The following BDNF variants were observed in gnomAD, a reference collection of about 807,000 sequenced individuals.
The protein encoded by BDNF is brain derived neurotrophic factor.
In BDNF, 1 loss-of-function variant was observed where a neutral mutation model predicts 19.5. The observed-to-expected ratio is 0.05, with a 90% confidence interval of 0.02 to 0.24. BDNF has a LOEUF of 0.24. Ranked by LOEUF, BDNF falls within the 10% of genes least tolerant of loss-of-function variation. The pLI, the probability that BDNF is intolerant of heterozygous loss-of-function variation, is 1.00. For synonymous variants in BDNF, 100 were observed against 121.6 expected, an observed-to-expected ratio of 0.82 and a Z score of 1.17; for missense variants, 195 against 317.6, an observed-to-expected ratio of 0.61 and a Z score of 2.93.
intron 1 of BDNF, chr11:27,674,293 C>G (rs1317122855): frequency 1.9e-6 from 3 of 1,554,780 alleles, no homozygotes; most frequent in Non-Finnish European, 2.6e-6. Context: ...ATCCAGTTGT[C>G]CTTCGGGTTA....
intron 1 of BDNF, among the ~76,000 whole-genome samples, chr11:27,670,195 T>C (rs970889341): frequency 6.6e-6 from 1 of 152,224 alleles, no homozygotes; most frequent in Non-Finnish European, 1.5e-5. Flanking sequence ...CTGGGAAAAC[T>C]GGCTAGCCAT....
At chr11:27,659,629 CTGTGTGTG>C (rs55917552) in intron 1 of BDNF, 29 of 982,710 alleles carry the variant, frequency 3.0e-5, no homozygotes, top group Middle Eastern at 5.3e-4. Flanking sequence ...GATGTTCTCT[CTGTGTGTG>C]TGTGTGTGTG....
intron 1 of BDNF, among the ~76,000 whole-genome samples, chr11:27,667,418 T>C (rs1029913292): frequency 8.5e-5 from 13 of 152,162 alleles, no homozygotes; most frequent in African/African-American, 2.4e-4. Flanking sequence ...CACATAACAA[T>C]ATTAACCTTA....
At chr11:27,686,112 G>C (rs1857445260) in intron 1 of BDNF, among the ~76,000 whole-genome samples, 2 of 152,132 alleles carry the variant, frequency 1.3e-5, no homozygotes, top group Admixed American at 6.5e-5. Flanking sequence ...AGGATAGTTA[G>C]CTCTTCTTGT....
At position 27,658,301 on chromosome 11, in the gene BDNF, G is replaced by A. The variant is rs775282010; in HGVS notation, c.264C>T (p.Asp88=). Residue 88 remains aspartate (D), a synonymous_variant, in exon 2 of 2, where the codon GAC becomes GAT. Coordinates refer to ENST00000356660, the MANE Select transcript of BDNF (RefSeq NM_001709.5). This position sits in a 1 kb window ranked among gnomAD's most constrained non-coding sequence, Gnocchi z 5.7. ...TGAGCATCACCCTGGACGTGTACAA[G>A]TCTGCGTCCTTATTGTTTTCTTCAT... ...RPNEENNKDA[D]LYTSRVMLSS... 6.8e-6 allele frequency: 11 copies of A among 1,614,170 alleles called. No homozygotes were observed. The highest frequency in any genetic ancestry group is 9.3e-6 in the Non-Finnish European group (11 of 1,180,044).
intron 1 of BDNF, chr11:27,720,498 G>C (rs983399358): frequency 7.1e-6 from 7 of 985,736 alleles, no homozygotes; most frequent in African/African-American, 1.7e-5. Flanking sequence ...TCAATGAGGG[G>C]ACCAAACTGG....
chr11:27,711,196 A>G (rs1860313072), intron 1 of BDNF, among the ~76,000 whole-genome samples: 1 of 152,248 alleles, frequency 6.6e-6, no homozygotes, highest in South Asian at 2.1e-4. Flanking sequence ...TATCTTTAAA[A>G]GAAAAATAAT....
At chr11:27,664,831 A>G (rs1276880049) in intron 1 of BDNF, among the ~76,000 whole-genome samples, 4 of 152,126 alleles carry the variant, frequency 2.6e-5, no homozygotes, top group Non-Finnish European at 5.9e-5. Context: ...CGATAGCCAG[A>G]GCCACCCAGA....
At chr11:27,710,900 T>C (rs565326236) in intron 1 of BDNF, among the ~76,000 whole-genome samples, 47 of 152,290 alleles carry the variant, frequency 3.1e-4, no homozygotes, top group Admixed American at 1.8e-3. Flanking sequence ...ACATCATCCA[T>C]TGGGTTAATA....
upstream of BDNF, among the ~76,000 whole-genome samples, chr11:27,702,399 C>G (rs1859944123): frequency 2.0e-5 from 3 of 152,304 alleles, no homozygotes; most frequent in South Asian, 6.2e-4. Context: ...TTGAGAAACA[C>G]TCTCTTGGGG....
At chr11:27,675,071 C>CA in intron 1 of BDNF, 2 of 267,166 alleles carry the variant, frequency 7.5e-6, no homozygotes, top group Non-Finnish European at 1.2e-5. Flanking sequence ...TGAACCAGTG[C>CA]TGGCTTGCTA....
chr11:27,700,350 G>A lies in BDNF; in HGVS notation c.-208C>T, dbSNP rs1220647499. ...AGGGGCGCACCGGGCTGGCTCCTCT[G>A]TCCGGCCCGGGAGCCCGAGGCGCTA... On this transcript the variant is annotated 5_prime_UTR_variant, in exon 1 of 2. Transcript: ENST00000356660. 26 of 985,206 alleles carry A rather than the reference G, an allele frequency of 2.6e-5. No homozygotes were observed. The highest frequency in any genetic ancestry group is 6.2e-5 in the Admixed American group (1 of 16,248). 61.0% of individuals were successfully genotyped at this position (985,206 alleles called of 1,614,324 possible).
At chr11:27,669,569 CA>C (rs561566866) in intron 1 of BDNF, among the ~76,000 whole-genome samples, 145 of 152,278 alleles carry the variant, frequency 9.5e-4, no homozygotes, top group African/African-American at 3.4e-3. Flanking sequence ...TCTCAGGATA[CA>C]AAATCAATGT....
intron 1 of BDNF, among the ~76,000 whole-genome samples, chr11:27,710,973 A>G (rs774496045): frequency 6.6e-6 from 1 of 152,202 alleles, no homozygotes; most frequent in Non-Finnish European, 1.5e-5. Context: ...TTCAGTGACT[A>G]TATACTTATG....
chr11:27,667,246 T>A (rs1467937689), intron 1 of BDNF, among the ~76,000 whole-genome samples: 2 of 152,034 alleles, frequency 1.3e-5, no homozygotes, highest in African/African-American at 4.8e-5. Context: ...CAGGCCTGCC[T>A]TACAAGAGCT....
At chr11:27,661,418 A>G (rs565241313) in intron 1 of BDNF, among the ~76,000 whole-genome samples, 1 of 152,332 alleles carries the variant, frequency 6.6e-6, no homozygotes, top group Non-Finnish European at 1.5e-5. Flanking sequence ...CTTCCAATCC[A>G]GTCAGTAAAG....
chr11:27,688,648 C>T (rs1319408539), intron 1 of BDNF, among the ~76,000 whole-genome samples: 1 of 152,188 alleles, frequency 6.6e-6, no homozygotes, highest in African/African-American at 2.4e-5. Flanking sequence ...CAGGGCTTCC[C>T]TTGGCTAGGG....
chr11:27,661,551 A>G (rs1853446724), intron 1 of BDNF, among the ~76,000 whole-genome samples: 1 of 152,112 alleles, frequency 6.6e-6, no homozygotes, highest in Admixed American at 6.5e-5. Flanking sequence ...CCGATGCTGT[A>G]TCAGACACTC....
At chr11:27,699,693 T>C (rs1036589159) in intron 1 of BDNF, 1 of 1,401,116 alleles carries the variant, frequency 7.1e-7, no homozygotes, top group African/African-American at 1.4e-5. Context: ...GGATGCGGGC[T>C]GAAGGCGCAA....
Sources: gnomAD v4.1 joint callset for allele counts (sites outside exome capture counted in the v4.1 genomes callset) on GRCh38, gnomAD v4.1.1 for gene constraint, Gnocchi (gnomAD v3.1) non-coding constraint, MANE v1.5 for transcripts, NCBI Gene and HGNC (gene_info 2026-07-23, HGNC 2026-07-21) for gene names.